Variants in RFX3 observed in about 807,000 individuals in gnomAD.
RFX3 encodes the protein regulatory factor X3.
In RFX3, 14 loss-of-function variants were observed where a neutral mutation model predicts 98.6. The observed-to-expected ratio is 0.14, with a 90% CI of 0.09 to 0.22. RFX3 has a LOEUF of 0.22. Among genes scored for constraint, RFX3 ranks in the 10% least tolerant of loss-of-function variants. The pLI is 1.00. For synonymous variants in RFX3, 383 were observed against 328.4 expected, an observed-to-expected ratio of 1.17 and a Z score of -1.80; for missense variants, 639 against 926.9, an observed-to-expected ratio of 0.69 and a Z score of 4.03.
At chr9:3,475,100 CAAA>C (rs199543385) in intron 1 of RFX3, among the ~76,000 whole-genome samples, 4 of 96,364 alleles carry the variant, frequency 4.2e-5, no homozygotes, top group Admixed American at 1.1e-4. Context: ...ACCCTGTCTC[CAAA>C]AAAAAAAAAA....
At chr9:3,355,937 A>T (rs1442820678) in intron 2 of RFX3, among the ~76,000 whole-genome samples, 2 of 151,930 alleles carry the variant, frequency 1.3e-5, no homozygotes, top group East Asian at 3.8e-4. Context: ...AATATAATCT[A>T]TGGTTTATAT....
chr9:3,312,112 G>C (rs1323423064), intron 4 of RFX3, among the ~76,000 whole-genome samples: 2 of 152,156 alleles, frequency 1.3e-5, no homozygotes, highest in African/African-American at 4.8e-5. Context: ...AAAATAACCA[G>C]AGTTAACTGC....
chr9:3,236,473 G>A (rs1446554423), intron 15 of RFX3, among the ~76,000 whole-genome samples: 3 of 152,198 alleles, frequency 2.0e-5, no homozygotes, highest in Non-Finnish European at 4.4e-5. Context: ...GATATATCCT[G>A]GTCCTCTGGA....
intron 1 of RFX3, among the ~76,000 whole-genome samples, chr9:3,396,346 C>T (rs1327646821): frequency 2.0e-5 from 3 of 152,064 alleles, no homozygotes; most frequent in African/African-American, 4.8e-5. Context: ...CAGCTTCATC[C>T]GTGTCCCTAC....
At chr9:3,524,193 C>G (rs1233892785) in intron 1 of RFX3, among the ~76,000 whole-genome samples, 1 of 152,078 alleles carries the variant, frequency 6.6e-6, no homozygotes, top group East Asian at 1.9e-4. Context: ...TATCAAAACT[C>G]TACTGATAAA....
intron 12 of RFX3, among the ~76,000 whole-genome samples, chr9:3,265,582 T>C (rs1338089093): frequency 1.3e-5 from 2 of 152,196 alleles, no homozygotes; most frequent in Admixed American, 1.3e-4. Flanking sequence ...TATGAGGATA[T>C]GTTCACAGAT....
chr9:3,428,008 C>A (rs1587643239), intron 1 of RFX3, among the ~76,000 whole-genome samples: 1 of 152,004 alleles, frequency 6.6e-6, no homozygotes, highest in Non-Finnish European at 1.5e-5. Flanking sequence ...AGGAAAATGT[C>A]CCTAGGCAGA....
intron 3 of RFX3, among the ~76,000 whole-genome samples, chr9:3,334,426 C>A (rs879745802): frequency 1.4e-4 from 21 of 152,190 alleles, no homozygotes; most frequent in Non-Finnish European, 2.6e-4. Flanking sequence ...GGGATCACTG[C>A]AGCTTTTGGG....
At chr9:3,492,424 A>G (rs563196507) in intron 1 of RFX3, among the ~76,000 whole-genome samples, 242 of 152,356 alleles carry the variant, frequency 1.6e-3, no homozygotes, top group African/African-American at 5.6e-3. Flanking sequence ...CCCTCTGGCC[A>G]GGTACCTCCT....
At chr9:3,351,173 G>T (rs1019667482) in intron 2 of RFX3, among the ~76,000 whole-genome samples, 1 of 151,004 alleles carries the variant, frequency 6.6e-6, no homozygotes, top group Non-Finnish European at 1.5e-5. Flanking sequence ...TATAATGGAA[G>T]AGGCTATTCA....
chr9:3,378,599 C>T (rs1019798033), intron 2 of RFX3, among the ~76,000 whole-genome samples: 2 of 147,292 alleles, frequency 1.4e-5, no homozygotes, highest in Non-Finnish European at 3.0e-5. Context: ...TCTTGTCACC[C>T]AGGTTAGAGT....
intron 1 of RFX3, among the ~76,000 whole-genome samples, chr9:3,496,020 A>C (rs923662309): frequency 6.6e-6 from 1 of 151,992 alleles, no homozygotes; most frequent in Non-Finnish European, 1.5e-5. Flanking sequence ...TCAAACTTTT[A>C]TGTGACTCCA....
intron 14 of RFX3, among the ~76,000 whole-genome samples, chr9:3,251,225 G>A (rs186518276): frequency 3.3e-5 from 5 of 152,190 alleles, no homozygotes; most frequent in Non-Finnish European, 4.4e-5. Flanking sequence ...GAAAAATATA[G>A]TTAAATAGCC....
intron 1 of RFX3, among the ~76,000 whole-genome samples, chr9:3,397,401 A>T (rs1365973692): frequency 6.6e-6 from 1 of 152,222 alleles, no homozygotes; most frequent in Non-Finnish European, 1.5e-5. Flanking sequence ...TTTAACTAAG[A>T]AATTTTTGAA....
At chr9:3,436,264 G>C (rs1414848457) in intron 1 of RFX3, among the ~76,000 whole-genome samples, 2 of 151,948 alleles carry the variant, frequency 1.3e-5, no homozygotes, top group African/African-American at 4.8e-5. Context: ...TCCATTTTCA[G>C]ATAGGCTGAA....
At position 3,525,944 on chromosome 9, in the gene RFX3, G is replaced by GA; in HGVS notation, c.-207dup. The GA allele has an allele frequency of 1.2e-6, 1 of 852,484 alleles. No individual in the cohort carries two copies. Among genetic ancestry groups the GA allele is most frequent in the Non-Finnish European group, 1.4e-6 (1 of 712,740 alleles). The allele number at this position is 852,484 out of a possible 1,614,324, so 52.8% of individuals were successfully genotyped here. A position where few individuals can be genotyped will look rare whatever the true frequency, so the allele number is the denominator to read the frequency against. ...CTCACAAAAGAGAGAGAGAGAGGGA[G>GA]AGAGAGAGAGAGCGAGAGGGAGAGG... On this transcript the variant is annotated 5_prime_UTR_variant, in exon 1 of 17. Coordinates refer to ENST00000617270, the MANE Select transcript of RFX3 (RefSeq NM_001282116.2).
intron 14 of RFX3, among the ~76,000 whole-genome samples, chr9:3,252,006 G>A (rs1419125752): frequency 6.6e-6 from 1 of 152,050 alleles, no homozygotes; most frequent in African/African-American, 2.4e-5. Context: ...GCGCCACCAC[G>A]CCTGGCTAAT....
At chr9:3,504,972 A>ATAATATAATATATAATATATAATATATC (rs1316211073) in intron 1 of RFX3, among the ~76,000 whole-genome samples, 1 of 66,268 alleles carries the variant, frequency 1.5e-5, no homozygotes, top group African/African-American at 8.5e-5. Context: ...TATAATATAT[A>ATAATATAATATATAATATATAATATATC]TTATATAATA....
intron 2 of RFX3, among the ~76,000 whole-genome samples, chr9:3,361,457 G>T (rs1327815639): frequency 1.3e-5 from 2 of 151,946 alleles, no homozygotes; most frequent in African/African-American, 4.8e-5. Context: ...CTGTAAGCAA[G>T]GGTTATGAAA....
Sources: gnomAD v4.1 joint callset for allele counts (sites outside exome capture counted in the v4.1 genomes callset) on GRCh38, gnomAD v4.1.1 for gene constraint, MANE v1.5 for transcripts, NCBI Gene and HGNC (gene_info 2026-07-23, HGNC 2026-07-21) for gene names.